FRMD4B: variants seen among roughly 807,000 people sequenced by gnomAD.
FRMD4B encodes FERM domain-containing protein 4B.
In FRMD4B, 74 loss-of-function variants were observed where a neutral mutation model predicts 141.5. That is an observed-to-expected ratio of 0.52 (90% CI 0.43 to 0.63). The LOEUF is 0.63. Ranked by LOEUF, FRMD4B falls within the 30% of genes least tolerant of loss-of-function variation. The probability of loss-of-function intolerance (pLI) is 0.00; values close to 1 mark genes in which losing one functional copy is unlikely to be tolerated. For synonymous variants in FRMD4B, 506 were observed against 467.9 expected (o/e 1.08, Z -1.05); for missense variants, 1,366 against 1,253.4 (o/e 1.09, Z -1.36).
At chr3:69,342,498 C>G (rs1702772001) in intron 1 of FRMD4B, among the ~76,000 whole-genome samples, 1 of 152,176 alleles carries the variant, frequency 6.6e-6, no homozygotes, top group South Asian at 2.1e-4. Flanking sequence ...ACTCAATCTT[C>G]TGATGGTGTC....
rs768563771 is a variant in FRMD4B at position 69,385,841 on chromosome 3, T to C, written c.149A>G (p.Gln50Arg). The change falls in exon 1 of 23, where the codon CAG becomes CGG. Residue 50 changes from glutamine to arginine, a missense_variant. By Grantham distance (43) the Gln-to-Arg change is conservative (BLOSUM62 1). Transcript: ENST00000398540. ...HQVLRTWCGL[Q>R]DVYQMTEGRH... The stretch of plus-strand genomic sequence containing the variant: ...GCTCCAGCTCACCTGGTACACGTCC[T>C]GCAGCCCGCACCACGTCCGCAGCAC... 2.5e-6 allele frequency: 4 copies of C among 1,588,468 alleles called. No homozygotes were observed. The highest frequency in any genetic ancestry group is 8.6e-7 in the Non-Finnish European group (1 of 1,167,986).
chr3:69,516,879 A>T (rs192048516), intron 1 of FRMD4B, among the ~76,000 whole-genome samples: 2 of 152,314 alleles, frequency 1.3e-5, no homozygotes, highest in East Asian at 3.9e-4. Context: ...TTGAACAGTC[A>T]TCTTTTTGCT....
At chr3:69,326,328 A>G (rs1190073761) in intron 1 of FRMD4B, among the ~76,000 whole-genome samples, 1 of 152,140 alleles carries the variant, frequency 6.6e-6, no homozygotes, top group Non-Finnish European at 1.5e-5. Flanking sequence ...AACCCTGGAG[A>G]GACCCAAAAA....
At chr3:69,249,093 C>A (rs572472066) in intron 7 of FRMD4B, 133 bp downstream of exon 7, 2 of 597,620 alleles carry the variant, frequency 3.3e-6, no homozygotes, top group Admixed American at 3.6e-5. Context: ...ATTTGAAGAG[C>A]GAAGAGATCT....
At chr3:69,500,326 T>C (rs1441997095) in intron 1 of FRMD4B, among the ~76,000 whole-genome samples, 1 of 152,218 alleles carries the variant, frequency 6.6e-6, no homozygotes, top group Non-Finnish European at 1.5e-5. Flanking sequence ...TTGGCAATGA[T>C]AATTTCCTGG....
At chr3:69,528,993 A>G (rs975216884) in intron 1 of FRMD4B, among the ~76,000 whole-genome samples, 1 of 152,166 alleles carries the variant, frequency 6.6e-6, no homozygotes, top group African/African-American at 2.4e-5. Flanking sequence ...CTGCATTTCC[A>G]GCCCACCACT....
At chr3:69,225,460 G>C (rs1056272183) in intron 7 of FRMD4B, among the ~76,000 whole-genome samples, 13 of 147,308 alleles carry the variant, frequency 8.8e-5, no homozygotes, top group African/African-American at 3.0e-4. Flanking sequence ...CAGATCACAA[G>C]GTCAGGAGAT....
intron 1 of FRMD4B, among the ~76,000 whole-genome samples, chr3:69,347,486 T>C (rs1204809408): frequency 6.6e-6 from 1 of 152,220 alleles, no homozygotes; most frequent in Non-Finnish European, 1.5e-5. Context: ...GTGGACCTAA[T>C]AGACATCTAC....
intron 1 of FRMD4B, among the ~76,000 whole-genome samples, chr3:69,540,329 T>C (rs1046159704): frequency 2.7e-5 from 4 of 150,622 alleles, no homozygotes; most frequent in Admixed American, 6.6e-5. Flanking sequence ...ATTAAAAATA[T>C]ATAGGCCGGG....
intron 1 of FRMD4B, among the ~76,000 whole-genome samples, chr3:69,479,138 G>T (rs1265180737): frequency 2.0e-5 from 3 of 148,900 alleles, no homozygotes; most frequent in African/African-American, 7.6e-5. Context: ...ACAGCACACT[G>T]ATGGGTCTTG....
rs910200111 is a variant in FRMD4B, at chr3:69,472,112, T to A, written c.-128-39351A>T. The A allele has an allele frequency of 3.8e-5, 8 of 208,352 alleles. No homozygotes were observed. In the South Asian group the frequency reaches 6.7e-4, roughly 17 times the overall value. 12.9% of individuals were successfully genotyped at this position (208,352 alleles called of 1,614,324 possible). On this transcript the variant is annotated intron_variant, in intron 1 of 5. Transcript: ENST00000459638. Reference sequence around the variant, plus strand: ...CCACTAGCTTCCAAAGGACTAAAGCTTAAAGTTGGGAATTTCTTTTTCAGG... The same window carrying A: ...CCACTAGCTTCCAAAGGACTAAAGCATAAAGTTGGGAATTTCTTTTTCAGG...
At chr3:69,299,827 C>T (rs1413408041) in intron 4 of FRMD4B, among the ~76,000 whole-genome samples, 4 of 152,070 alleles carry the variant, frequency 2.6e-5, no homozygotes, top group African/African-American at 7.2e-5. Context: ...CTACACATCT[C>T]GGTGTCCATG....
chr3:69,181,492 G>T lies in FRMD4B; in HGVS notation c.2258C>A (p.Thr753Asn), dbSNP rs2092707699. ...VTPVTGPYYT[T>N]QTLDTRTRGR... ...CCTGGTGCGAGTGTCCAGGGTCTGG[G>T]TGGTGTAATAGGGGCCGGTAACTGG... Residue 753 changes from threonine (T) to asparagine (N), a missense_variant, in exon 21 of 23, where the codon ACC becomes AAC. Physicochemically the swap from Thr to Asn is moderately conservative, Grantham distance 65. Transcript: ENST00000398540. 6.2e-7 allele frequency: 1 copy of T among 1,613,894 alleles called. No individual in the cohort carries two copies. Among genetic ancestry groups the T allele is most frequent in the Non-Finnish European group, 8.5e-7 (1 of 1,179,802 alleles).
At chr3:69,179,453 A>G (rs1316161354) in intron 21 of FRMD4B, among the ~76,000 whole-genome samples, 1 of 152,176 alleles carries the variant, frequency 6.6e-6, no homozygotes, top group African/African-American at 2.4e-5. Context: ...GGTGTTTTCT[A>G]GGTCAGAGCC....
intron 12 of FRMD4B, chr3:69,198,068 G>A (rs1300528885): frequency 1.3e-5 from 2 of 150,898 alleles, no homozygotes; most frequent in Non-Finnish European, 2.9e-5. Context: ...AGGTTGCAGT[G>A]AGCAAAGATT....
chr3:69,328,459 G>GACT (rs1237154520), intron 1 of FRMD4B, among the ~76,000 whole-genome samples: 5 of 152,150 alleles, frequency 3.3e-5, no homozygotes, highest in African/African-American at 1.2e-4. Context: ...GCACTGGAGT[G>GACT]ACTCCATCTT....
intron 1 of FRMD4B, among the ~76,000 whole-genome samples, chr3:69,459,712 A>G (rs529179956): frequency 6.6e-6 from 1 of 152,348 alleles, no homozygotes; most frequent in East Asian, 1.9e-4. Flanking sequence ...TTAAAGTATT[A>G]ATAGCATGTA....
intron 1 of FRMD4B, chr3:69,536,374 A>C (rs1434319704): frequency 2.9e-6 from 2 of 699,660 alleles, no homozygotes; most frequent in South Asian, 1.6e-5. Flanking sequence ...CCTGGCGAGG[A>C]GGCTGCGGCA....
At chr3:69,365,357 AC>A (rs1703607409) in intron 1 of FRMD4B, among the ~76,000 whole-genome samples, 1 of 152,210 alleles carries the variant, frequency 6.6e-6, no homozygotes, top group African/African-American at 2.4e-5. Flanking sequence ...TGGAAATTGG[AC>A]ATCTCTACTA....
Sources: gnomAD v4.1 joint callset for allele counts (sites outside exome capture counted in the v4.1 genomes callset) on GRCh38, gnomAD v4.1.1 for gene constraint, MANE v1.5 for transcripts, NCBI Gene and HGNC (gene_info 2026-07-23, HGNC 2026-07-21) for gene names.